Variants in ADAMTS15 observed in about 807,000 individuals in gnomAD.
ADAMTS15 encodes ADAM metallopeptidase with thrombospondin type 1 motif 15.
In ADAMTS15, 35 loss-of-function variants were observed where a neutral mutation model predicts 79.1. The observed-to-expected ratio is 0.44, with a 90% CI of 0.34 to 0.59. The LOEUF (loss-of-function observed/expected upper bound fraction) is 0.59. ADAMTS15 is among the 20% of genes least tolerant of loss of function. The pLI is 0.02. For synonymous variants in ADAMTS15, 616 were observed against 567.3 expected, an observed-to-expected ratio of 1.09 and a Z score of -1.22; for missense variants, 1,324 against 1,318.7, an observed-to-expected ratio of 1.00 and a Z score of -0.06.
intron 4 of ADAMTS15, among the ~76,000 whole-genome samples, chr11:130,468,097 C>T (rs1050917329): frequency 1.3e-5 from 2 of 152,180 alleles, no homozygotes; most frequent in African/African-American, 4.8e-5. Flanking sequence ...GGAATCTTTT[C>T]TGTTTTTTCC....
At chr11:130,452,349 C>T (rs1341718678) in intron 1 of ADAMTS15, among the ~76,000 whole-genome samples, 2 of 152,190 alleles carry the variant, frequency 1.3e-5, no homozygotes, top group East Asian at 3.8e-4. Flanking sequence ...GGTCTCCAGG[C>T]TCATAACAGC....
intron 4 of ADAMTS15, among the ~76,000 whole-genome samples, chr11:130,464,393 A>T (rs1425778871): frequency 6.6e-6 from 1 of 152,050 alleles, no homozygotes; most frequent in East Asian, 1.9e-4. Flanking sequence ...CATGGAAGTC[A>T]TTGCCCTCAC....
At chr11:130,458,630 A>G (rs1047613293) in intron 1 of ADAMTS15, among the ~76,000 whole-genome samples, 16 of 152,240 alleles carry the variant, frequency 1.1e-4, no homozygotes, top group Non-Finnish European at 1.9e-4. Context: ...GCCCTTCCCC[A>G]GAGCAGGAAA....
At chr11:130,469,114 T>C (rs1938369019) in intron 4 of ADAMTS15, 148 bp from the exon 5 acceptor site, 1 of 803,876 alleles carries the variant, frequency 1.2e-6, no homozygotes, top group Admixed American at 3.5e-5. Flanking sequence ...CATTTGTTTA[T>C]TGTTTTTTCC....
At chr11:130,460,570 C>T (rs996901071) in intron 1 of ADAMTS15, among the ~76,000 whole-genome samples, 9 of 152,176 alleles carry the variant, frequency 5.9e-5, no homozygotes, top group African/African-American at 1.9e-4. Flanking sequence ...GGCCACCGTG[C>T]CTGGCCCAAC....
chr11:130,449,613 G>C lies in ADAMTS15; in HGVS notation c.640G>C (p.Val214Leu), dbSNP rs760714054. Residue 214 changes from valine to leucine, a missense_variant, in exon 1 of 8, where the codon GTG (valine) becomes CTG (leucine). Val to Leu is a conservative substitution (Grantham distance 32, BLOSUM62 1). Transcript: ENST00000299164. This position sits in a 1 kb window ranked among gnomAD's most constrained non-coding sequence, Gnocchi z 7.8. Reference protein sequence around the residue: ...RRRSGRAKRFVSIPRYVETLV... With the variant: ...RRRSGRAKRFLSIPRYVETLV... ...CAGGTCTGGGCGCGCCAAGCGTTTC[G>C]TGTCTATCCCGCGGTACGTGGAGAC... 1.9e-6 allele frequency: 3 copies of C among 1,605,772 alleles called. No individual in the cohort carries two copies. The highest frequency in any genetic ancestry group is 1.7e-5 in the Admixed American group (1 of 58,814).
chr11:130,469,518 G>A (rs1938378758), intron 5 of ADAMTS15, 79 bp downstream of exon 5: 3 of 1,125,830 alleles, frequency 2.7e-6, no homozygotes, highest in South Asian at 8.3e-5. Flanking sequence ...CCTACTCCAT[G>A]TAATGCATGG....
intron 4 of ADAMTS15, among the ~76,000 whole-genome samples, chr11:130,468,657 C>T (rs1194888364): frequency 2.7e-5 from 4 of 148,396 alleles, no homozygotes; most frequent in East Asian, 4.0e-4. Context: ...CCCAGCTACT[C>T]GGGAGGCTGA....
chr11:130,453,321 G>C (rs1938004832), intron 1 of ADAMTS15, among the ~76,000 whole-genome samples: 3 of 144,394 alleles, frequency 2.1e-5, no homozygotes, highest in Non-Finnish European at 4.5e-5. Flanking sequence ...TGGTTTTACT[G>C]TCTGTTTCTT....
At chr11:130,456,071 A>G (rs867994686) in intron 1 of ADAMTS15, among the ~76,000 whole-genome samples, 1 of 152,108 alleles carries the variant, frequency 6.6e-6, no homozygotes. Flanking sequence ...CCTTGGGCTT[A>G]CTGTGTGACC....
rs61733898 is a variant in ADAMTS15 at position 130,449,211 on chromosome 11, T to G, written c.238T>G (p.Ser80Ala). The G allele has an allele frequency of 4.2e-3, 6,739 of 1,614,048 alleles. 221 individuals are homozygous for G. In the African/African-American group the frequency reaches 0.075, roughly 18 times the overall value. ...TGCTCAGTTCTTGGCTCCCGCCTTCTCCACTGAGCATCTGGGCGTCCCCCT... is the reference window on the plus strand; with the variant it reads ...TGCTCAGTTCTTGGCTCCCGCCTTCGCCACTGAGCATCTGGGCGTCCCCCT... Reference protein sequence around the residue: ...PDAQFLAPAFSTEHLGVPLQG... With the variant: ...PDAQFLAPAFATEHLGVPLQG... Residue 80 changes from serine (S) to alanine (A), a missense_variant, in exon 1 of 8, where the codon TCC (serine) becomes GCC (alanine). By Grantham distance (99) the Ser-to-Ala change is moderately conservative (BLOSUM62 1). Coordinates refer to ENST00000299164, the MANE Select transcript of ADAMTS15 (RefSeq NM_139055.4). The surrounding 1 kb of genome is among the most constrained non-coding windows in gnomAD (Gnocchi z 7.8).
intron 1 of ADAMTS15, among the ~76,000 whole-genome samples, chr11:130,450,738 C>T (rs544055710): frequency 6.6e-6 from 1 of 152,206 alleles, no homozygotes; most frequent in African/African-American, 2.4e-5. Context: ...AGAGGGTGAC[C>T]CGTTTGCCCA....
At chr11:130,451,019 A>G (rs968657433) in intron 1 of ADAMTS15, among the ~76,000 whole-genome samples, 4 of 152,208 alleles carry the variant, frequency 2.6e-5, no homozygotes, top group Non-Finnish European at 1.5e-5. Flanking sequence ...CAAATCTGCA[A>G]ACGTTTAGAT....
At chr11:130,464,335 A>G (rs895558694) in intron 4 of ADAMTS15, among the ~76,000 whole-genome samples, 1 of 152,200 alleles carries the variant, frequency 6.6e-6, no homozygotes, top group East Asian at 1.9e-4. Context: ...TCTTTTCTAA[A>G]CAATCCCTTG....
intron 5 of ADAMTS15, among the ~76,000 whole-genome samples, chr11:130,469,764 A>T (rs145693007): frequency 3.3e-5 from 5 of 152,110 alleles, no homozygotes; most frequent in Non-Finnish European, 7.4e-5. Flanking sequence ...ATACACTAGA[A>T]GTCCTCTTAT....
rs772548681 is a variant in ADAMTS15, at chr11:130,462,116, G to A, written c.1120G>A (p.Val374Met). ...CGTGTTCAACATGCCCCATGACAAT[G>A]TGAAAGTCTGTGAGGAGGTGTTTGG... ...GHVFNMPHDN[V>M]KVCEEVFGKL... Residue 374 changes from valine (V) to methionine (M), a missense_variant, in exon 3 of 8, where the codon GTG becomes ATG. Physicochemically the swap from Val to Met is conservative, Grantham distance 21 (BLOSUM62 1). Transcript: ENST00000299164. This position sits in a 1 kb window ranked among gnomAD's most constrained non-coding sequence, Gnocchi z 4.3. 5.6e-6 allele frequency: 9 copies of A among 1,613,874 alleles called. No homozygotes were observed. Among genetic ancestry groups the A allele is most frequent in the African/African-American group, 1.3e-5 (1 of 74,870 alleles).
rs577593260 is a variant in ADAMTS15, at chr11:130,454,055, C to T, written c.957+4125C>T. Reference sequence around the variant, plus strand: ...CTGGTCTCAAACTCCTGGGCTCAAGCGGTTTGCTCGCCTTGGCCTCCCAAA... The same window carrying T: ...CTGGTCTCAAACTCCTGGGCTCAAGTGGTTTGCTCGCCTTGGCCTCCCAAA... On this transcript the variant is annotated intron_variant, in intron 1 of 7. Transcript: ENST00000299164. 1.4e-4 allele frequency among the ~76,000 whole-genome samples: 21 copies of T among 152,246 alleles called. No individual in the cohort carries two copies. The South Asian group carries it at 2.7e-3, about 20-fold the overall frequency.
At chr11:130,453,347 T>C (rs1938005758) in intron 1 of ADAMTS15, among the ~76,000 whole-genome samples, 1 of 152,132 alleles carries the variant, frequency 6.6e-6, no homozygotes, top group African/African-American at 2.4e-5. Context: ...CTTTCTTCTT[T>C]TTTTTTAGGA....
intron 1 of ADAMTS15, among the ~76,000 whole-genome samples, chr11:130,455,225 C>A (rs1938052037): frequency 6.6e-6 from 1 of 152,164 alleles, no homozygotes; most frequent in Non-Finnish European, 1.5e-5. Flanking sequence ...TAGTTATTAT[C>A]ATCTCATCAC....
Sources: allele counts gnomAD v4.1 joint callset (sites outside exome capture counted in the v4.1 genomes callset), GRCh38; gene constraint gnomAD v4.1.1; non-coding constraint Gnocchi (gnomAD v3.1); transcripts MANE v1.5; gene names NCBI Gene and HGNC (gene_info 2026-07-23, HGNC 2026-07-21).